The following ZNF521 variants were observed in gnomAD, a reference collection of about 807,000 sequenced individuals.
The protein encoded by ZNF521 is LYST-interacting protein 3.
In ZNF521, 14 loss-of-function variants were observed where a neutral mutation model predicts 105.5. The observed-to-expected ratio is 0.13, with a 90% CI of 0.09 to 0.21. The LOEUF is 0.21. ZNF521 is among the 10% of genes least tolerant of loss of function. The probability of loss-of-function intolerance (pLI) is 1.00; values close to 1 mark genes in which losing one functional copy is unlikely to be tolerated. For synonymous variants in ZNF521, 635 were observed against 606.0 expected (o/e 1.05, Z -0.70); for missense variants, 1,233 against 1,629.7 (o/e 0.76, Z 4.19).
intron 2 of ZNF521, among the ~76,000 whole-genome samples, chr18:25,347,516 T>C (rs1423545003): frequency 3.3e-5 from 5 of 152,174 alleles, no homozygotes; most frequent in African/African-American, 1.2e-4. Flanking sequence ...TAATGTACTT[T>C]AGAGGAGGTA....
At chr18:25,178,426 G>A (rs548477172) in intron 5 of ZNF521, among the ~76,000 whole-genome samples, 1 of 152,298 alleles carries the variant, frequency 6.6e-6, no homozygotes, top group East Asian at 1.9e-4. Context: ...AAAATGATAT[G>A]AACATAACCA....
At chr18:25,163,636 G>T (rs562568858) in intron 5 of ZNF521, among the ~76,000 whole-genome samples, 1 of 152,298 alleles carries the variant, frequency 6.6e-6, no homozygotes, top group South Asian at 2.1e-4. Flanking sequence ...CATGTACACA[G>T]TGCCCATTTC....
intron 5 of ZNF521, among the ~76,000 whole-genome samples, chr18:25,182,501 G>A (rs535007825): frequency 4.3e-4 from 65 of 152,214 alleles, no homozygotes; most frequent in African/African-American, 1.5e-3. Flanking sequence ...TATATGTGAC[G>A]CCCATTTCGC....
Position 25,322,043 on chromosome 18 carries a change from A to T in ZNF521, c.185T>A (p.Ile62Asn). Residue 62 changes from isoleucine to asparagine, a missense_variant, in exon 3 of 8, where the codon ATC (isoleucine) becomes AAC (asparagine). Ile to Asn is a moderately radical substitution (Grantham distance 149). Around this residue, in one of 6 missense-constraint regions of ZNF521, gnomAD observed 76 missense variants for 79.3 expected, o/e 0.96. Coordinates refer to ENST00000361524, the MANE Select transcript of ZNF521 (RefSeq NM_015461.3). ...CLQVFESLSDITEHKINQCQL... is the reference protein window; with the variant it reads ...CLQVFESLSDNTEHKINQCQL... ...ACATTGATTAATCTTGTGTTCTGTG[A>T]TATCGCTCAGCGATTCAAACACCTG... 2 of 1,614,232 alleles carry T rather than the reference A, an allele frequency of 1.2e-6. No homozygotes were observed. The highest frequency in any genetic ancestry group is 1.7e-6 in the Non-Finnish European group (2 of 1,180,038).
At chr18:25,306,839 T>A (rs1297329743) in intron 3 of ZNF521, among the ~76,000 whole-genome samples, 2 of 111,648 alleles carry the variant, frequency 1.8e-5, no homozygotes, top group Admixed American at 1.1e-4. Flanking sequence ...AAGGGAAAAC[T>A]AAACCACAAT....
At chr18:25,187,384 A>C (rs2035744706) in intron 5 of ZNF521, among the ~76,000 whole-genome samples, 1 of 151,936 alleles carries the variant, frequency 6.6e-6, no homozygotes, top group African/African-American at 2.4e-5. Context: ...TGATTCACTT[A>C]ATTTGATGAA....
chr18:25,082,021 CAATA>C (rs1468914508), intron 7 of ZNF521, among the ~76,000 whole-genome samples: 1 of 152,120 alleles, frequency 6.6e-6, no homozygotes, highest in Non-Finnish European at 1.5e-5. Context: ...TAGCACCAAT[CAATA>C]AATCAATGCA....
chr18:25,113,017 CT>C (rs35844239), intron 5 of ZNF521, among the ~76,000 whole-genome samples: 8 of 147,758 alleles, frequency 5.4e-5, no homozygotes, highest in African/African-American at 1.2e-4. Flanking sequence ...TGTGTCTAAC[CT>C]TTTTTTTTTT....
intron 5 of ZNF521, among the ~76,000 whole-genome samples, chr18:25,185,731 T>C (rs2035709821): frequency 6.6e-6 from 1 of 151,828 alleles, no homozygotes; most frequent in Non-Finnish European, 1.5e-5. Flanking sequence ...AATTGACCTG[T>C]AAAAAAAATA....
At chr18:25,195,567 C>A (rs4386206) in intron 4 of ZNF521, among the ~76,000 whole-genome samples, 151,763 of 151,798 alleles carry the variant, frequency 1, 75,864 homozygotes, top group Non-Finnish European at 1. Flanking sequence ...AAAAAACATG[C>A]GTATTAAAAA....
intron 7 of ZNF521, among the ~76,000 whole-genome samples, chr18:25,067,007 T>C (rs1193999217): frequency 6.6e-6 from 1 of 152,102 alleles, no homozygotes; most frequent in Non-Finnish European, 1.5e-5. Context: ...AGTGCAACAT[T>C]GGTGGAGGTG....
At chr18:25,089,909 C>A (rs1378420232) in intron 6 of ZNF521, among the ~76,000 whole-genome samples, 1 of 152,174 alleles carries the variant, frequency 6.6e-6, no homozygotes, top group Non-Finnish European at 1.5e-5. Context: ...TATTTCTCAG[C>A]AACCCACAGG....
intron 3 of ZNF521, among the ~76,000 whole-genome samples, chr18:25,320,481 C>T (rs1028302329): frequency 6.6e-6 from 1 of 152,088 alleles, no homozygotes; most frequent in Non-Finnish European, 1.5e-5. Flanking sequence ...TAAAGGCTAA[C>T]TTTCTCAGTT....
chr18:25,117,305 T>C (rs1028688257), intron 5 of ZNF521, among the ~76,000 whole-genome samples: 12 of 152,104 alleles, frequency 7.9e-5, no homozygotes, highest in African/African-American at 2.6e-4. Flanking sequence ...CTGAGTTCAA[T>C]AGAGGTACCT....
chr18:25,225,291 T>C lies in ZNF521; in HGVS notation c.2627A>G (p.Glu876Gly), dbSNP rs915816789. The change falls in exon 4 of 8, where the codon GAA becomes GGA. Residue 876 changes from glutamate (E) to glycine (G), a missense_variant. By Grantham distance (98) the Glu-to-Gly change is moderately conservative. Transcript: ENST00000361524. This position sits in a 1 kb window ranked among gnomAD's most constrained non-coding sequence, Gnocchi z 5.6. ...QESHNSHDGS[E>G]EDVDTSEPMY... is the part of the protein sequence containing the mutation. ...AGGCTCAGAGGTGTCAACGTCTTCT[T>C]CGCTCCCATCGTGACTGTTGTGGGA... is the stretch of plus-strand genomic sequence containing the variant. 3.1e-6 allele frequency: 5 copies of C among 1,614,186 alleles called. No homozygotes were observed. The highest frequency in any genetic ancestry group is 4.2e-6 in the Non-Finnish European group (5 of 1,180,030).
chr18:25,330,474 T>G (rs1913506980), intron 2 of ZNF521, among the ~76,000 whole-genome samples: 1 of 152,174 alleles, frequency 6.6e-6, no homozygotes, highest in African/African-American at 2.4e-5. Flanking sequence ...ACCAGCTAAC[T>G]TTTTAACCTA....
At chr18:25,259,587 C>G (rs865849868) in intron 3 of ZNF521, among the ~76,000 whole-genome samples, 2 of 152,080 alleles carry the variant, frequency 1.3e-5, no homozygotes, top group Admixed American at 6.6e-5. Flanking sequence ...AAAACAGCAA[C>G]AGGAGGGTGG....
intron 4 of ZNF521, among the ~76,000 whole-genome samples, chr18:25,217,885 G>A (rs570730597): frequency 3.3e-5 from 5 of 152,186 alleles, no homozygotes; most frequent in African/African-American, 4.8e-5. Context: ...GCTCATAGAC[G>A]GCCTTCTAGA....
At chr18:25,168,792 T>C (rs2035395273) in intron 5 of ZNF521, among the ~76,000 whole-genome samples, 1 of 152,186 alleles carries the variant, frequency 6.6e-6, no homozygotes, top group South Asian at 2.1e-4. Context: ...CCACTCTGTG[T>C]CTATGTCAGT....
Sources: gnomAD v4.1 joint callset for allele counts (sites outside exome capture counted in the v4.1 genomes callset) on GRCh38, gnomAD v4.1.1 for gene constraint, gnomAD v4.1.1 regional missense constraint, Gnocchi (gnomAD v3.1) non-coding constraint, MANE v1.5 for transcripts, NCBI Gene and HGNC (gene_info 2026-07-23, HGNC 2026-07-21) for gene names.